GEMIN7: variants seen among roughly 807,000 people sequenced by gnomAD.
The protein encoded by GEMIN7 is gem nuclear organelle associated protein 7.
GEMIN7 carries 7 observed loss-of-function variants against 7.8 expected under a neutral mutation model. The observed-to-expected ratio is 0.90, with a 90% CI of 0.51 to 1.69. The LOEUF is 1.69. GEMIN7 is among the 40% of genes most tolerant of loss of function. GEMIN7 has a pLI of 0.00. For missense variants in GEMIN7, 159 were observed against 176.2 expected (o/e 0.90, Z 0.55); for synonymous variants, 68 against 72.4 (o/e 0.94, Z 0.31).
chr19:45,081,545 A>G (rs1031227561), intron 2 of GEMIN7, among the ~76,000 whole-genome samples: 1 of 147,794 alleles, frequency 6.8e-6, no homozygotes, highest in African/African-American at 2.5e-5. Flanking sequence ...AAAACCTTGG[A>G]GTCTCCCTTG....
chr19:45,075,819 G>A (rs775774954), upstream of GEMIN7: 11 of 1,614,026 alleles, frequency 6.8e-6, no homozygotes, highest in Admixed American at 1.7e-5. Flanking sequence ...GGCAGCGGCC[G>A]CAGGTCAACA....
At chr19:45,080,761 T>TTG (rs1967475259) in intron 2 of GEMIN7, among the ~76,000 whole-genome samples, 1 of 145,356 alleles carries the variant, frequency 6.9e-6, no homozygotes, top group South Asian at 2.2e-4. Flanking sequence ...CTCCCTTGTT[T>TTG]TTTGTTTTTT....
chr19:45,088,036 C>T (rs1441917354), intron 2 of GEMIN7, among the ~76,000 whole-genome samples: 1 of 145,634 alleles, frequency 6.9e-6, no homozygotes, highest in Non-Finnish European at 1.5e-5. Flanking sequence ...ACCTCTGCTT[C>T]CCAAGTTCAA....
chr19:45,080,758 GTTTTTTGTTT>G (rs1263929135), intron 2 of GEMIN7, among the ~76,000 whole-genome samples: 10 of 121,334 alleles, frequency 8.2e-5, no homozygotes, highest in Non-Finnish European at 5.0e-5. Flanking sequence ...AATCTCCCTT[GTTTTTTGTTT>G]TTTTTTTTTT....
chr19:45,086,744 C>T (rs988318504), intron 2 of GEMIN7, among the ~76,000 whole-genome samples: 5 of 152,192 alleles, frequency 3.3e-5, no homozygotes, highest in African/African-American at 1.2e-4. Context: ...GCATAGGCAG[C>T]AATTGGGGCT....
chr19:45,082,018 C>T (rs1281372042), intron 2 of GEMIN7, among the ~76,000 whole-genome samples: 1 of 152,174 alleles, frequency 6.6e-6, no homozygotes, highest in Non-Finnish European at 1.5e-5. Context: ...TGGACCACTA[C>T]AGTGACCTCC....
chr19:45,086,961 C>T (rs1967712425), intron 2 of GEMIN7, among the ~76,000 whole-genome samples: 1 of 152,056 alleles, frequency 6.6e-6, no homozygotes, highest in South Asian at 2.1e-4. Context: ...ATTCTCCTGC[C>T]TCAGCCTCAT....
At chr19:45,087,536 C>T (rs945242878) in intron 2 of GEMIN7, among the ~76,000 whole-genome samples, 5 of 152,076 alleles carry the variant, frequency 3.3e-5, no homozygotes, top group South Asian at 2.1e-4. Context: ...TTGAAACTCA[C>T]GGAGGGAAAG....
chr19:45,085,863 C>CTTTTTTT lies in GEMIN7; in HGVS notation c.-8-4228_-8-4222dup, dbSNP rs869044428. ...TCGGGAGACTGAGGCACAAGAATCT[C>CTTTTTTT]TTTTTTTTTTTTTTTTTTTTTTGAG... On this transcript the variant is annotated intron_variant, in intron 2 of 2. Transcript: ENST00000270257. 2.4e-3 allele frequency among the ~76,000 whole-genome samples: 214 copies of CTTTTTTT among 88,378 alleles called. 14 individuals carry two copies. Among genetic ancestry groups the CTTTTTTT allele is most frequent in the African/African-American group, 5.6e-3 (113 of 20,298 alleles). The allele number at this position is 88,378 out of a possible 152,430, so 58.0% of individuals were successfully genotyped here. A position where few individuals can be genotyped will look rare whatever the true frequency, so the allele number is the denominator to read the frequency against.
chr19:45,090,022 C>T, intron 2 of GEMIN7, 85 bp from the exon 3 acceptor site: 2 of 1,413,226 alleles, frequency 1.4e-6, no homozygotes, highest in Non-Finnish European at 9.7e-7. Context: ...GCCTGGTAGA[C>T]CAGCCTCTGC....
intron 2 of GEMIN7, among the ~76,000 whole-genome samples, chr19:45,085,851 G>A (rs1395169285): frequency 1.4e-5 from 2 of 140,134 alleles, no homozygotes; most frequent in Non-Finnish European, 3.1e-5. Context: ...GGAGACTGAG[G>A]CACAAGAATC....
intron 2 of GEMIN7, among the ~76,000 whole-genome samples, chr19:45,081,396 C>T (rs1967498656): frequency 6.7e-6 from 1 of 150,348 alleles, no homozygotes; most frequent in Non-Finnish European, 1.5e-5. Context: ...GCGGAGGTTG[C>T]AGTGAGTTGA....
At chr19:45,078,747 G>C (rs372156330), upstream of GEMIN7, among the ~76,000 whole-genome samples, 56 of 152,270 alleles carry the variant, frequency 3.7e-4, no homozygotes, top group African/African-American at 1.3e-3. Flanking sequence ...CTGGAATAGG[G>C]AGGTTCATAT....
At chr19:45,089,175 C>G (rs906400961) in intron 2 of GEMIN7, among the ~76,000 whole-genome samples, 7 of 152,170 alleles carry the variant, frequency 4.6e-5, no homozygotes, top group African/African-American at 1.7e-4. Flanking sequence ...TTCCTGACCT[C>G]AAGTGATTCG....
upstream of GEMIN7, chr19:45,075,823 G>A (rs1223852326): frequency 1.2e-6 from 2 of 1,614,150 alleles, no homozygotes; most frequent in Admixed American, 3.3e-5. Flanking sequence ...GCGGCCGCAG[G>A]TCAACAGATC....
chr19:45,078,831 C>T (rs1380105682), upstream of GEMIN7, among the ~76,000 whole-genome samples: 1 of 152,180 alleles, frequency 6.6e-6, no homozygotes, highest in African/African-American at 2.4e-5. Context: ...AAATGACCGC[C>T]TCTGATCCAG....
chr19:45,090,370 G>A lies in GEMIN7; in HGVS notation c.256G>A (p.Val86Met), dbSNP rs746661421. The change falls in exon 3 of 3, where the codon GTG (valine) becomes ATG (methionine). Residue 86 changes from valine to methionine, a missense_variant. By Grantham distance (21) the Val-to-Met change is conservative. Coordinates refer to ENST00000270257, the MANE Select transcript of GEMIN7 (RefSeq NM_024707.3). ...HQVSFTLHEGVRVAAHFGATD... is the reference protein window; with the variant it reads ...HQVSFTLHEGMRVAAHFGATD... ...GGTGAGCTTCACGTTGCACGAGGGT[G>A]TGCGTGTGGCCGCCCACTTTGGAGC... 5.0e-6 allele frequency: 8 copies of A among 1,614,184 alleles called. No homozygotes were observed. The South Asian group carries it at 6.6e-5, about 13-fold the overall frequency.
intron 2 of GEMIN7, among the ~76,000 whole-genome samples, chr19:45,087,478 G>GT (rs34638813): frequency 0.56 from 84,999 of 151,922 alleles, 24,614 homozygotes; most frequent in African/African-American, 0.68. Flanking sequence ...ATGGCAGGCA[G>GT]TTTCTGGGGG....
chr19:45,076,394 G>A (rs1241161907), upstream of GEMIN7: 4 of 1,252,200 alleles, frequency 3.2e-6, no homozygotes, highest in Non-Finnish European at 2.0e-6. This position sits in a 1 kb window ranked among gnomAD's most constrained non-coding sequence, Gnocchi z 4.9. Context: ...CCGGGCGAGC[G>A]AGCGGGCGGG....
Sources: gnomAD v4.1 joint callset for allele counts (sites outside exome capture counted in the v4.1 genomes callset) on GRCh38, gnomAD v4.1.1 for gene constraint, Gnocchi (gnomAD v3.1) non-coding constraint, MANE v1.5 for transcripts, NCBI Gene and HGNC (gene_info 2026-07-23, HGNC 2026-07-21) for gene names.